The following CSNK1A1 variants were observed in gnomAD, a reference collection of about 807,000 sequenced individuals.
CSNK1A1 encodes casein kinase I isoform alpha.
CSNK1A1 carries 7 observed loss-of-function variants against 46.1 expected under a neutral mutation model. That is an observed-to-expected ratio of 0.15 (90% CI 0.09 to 0.29). The LOEUF (loss-of-function observed/expected upper bound fraction) is 0.29, where lower values mean the gene tolerates loss of function less well. Ranked by LOEUF, CSNK1A1 falls within the 10% of genes least tolerant of loss-of-function variation. The pLI is 1.00. For missense variants in CSNK1A1, 96 were observed against 417.1 expected (o/e 0.23, Z 6.71); for synonymous variants, 137 against 141.5 (o/e 0.97, Z 0.23).
At chr5:149,547,850 A>G (rs1193986483) in intron 2 of CSNK1A1, among the ~76,000 whole-genome samples, 1 of 151,264 alleles carries the variant, frequency 6.6e-6, no homozygotes, top group East Asian at 1.9e-4. Flanking sequence ...CAGCATTGGA[A>G]CTTTGTTTTT....
At chr5:149,532,707 GATT>G (rs2113149129) in intron 2 of CSNK1A1, among the ~76,000 whole-genome samples, 1 of 152,196 alleles carries the variant, frequency 6.6e-6, no homozygotes, top group Admixed American at 6.5e-5. Context: ...AAAAATCAGT[GATT>G]TCTATTGGTG....
intron 4 of CSNK1A1, among the ~76,000 whole-genome samples, chr5:149,519,457 C>T (rs1362218653): frequency 6.6e-6 from 1 of 152,090 alleles, no homozygotes; most frequent in Non-Finnish European, 1.5e-5. Flanking sequence ...TAGTGCATTG[C>T]CAATGCTGCC....
In CSNK1A1 at chr5:149,501,413, A is replaced by G. The variant is rs372923225; in HGVS notation, c.1006+4034T>C. On this transcript the variant is annotated intron_variant, in intron 9 of 9. Transcript: ENST00000377843. The stretch of plus-strand genomic sequence containing the variant: ...TGTGATGTGGGTGTGCTGCTGAGTG[A>G]CCAGCACATTCCTAGCAGCAATTGG... 9.1e-6 allele frequency: 9 copies of G among 985,490 alleles called. No individual in the cohort carries two copies. The South Asian group carries it at 4.2e-4, about 46-fold the overall frequency. 61.0% of individuals were successfully genotyped at this position (985,490 alleles called of 1,614,324 possible).
chr5:149,534,482 CAAAAAAAAAAA>C (rs10597922), intron 2 of CSNK1A1, among the ~76,000 whole-genome samples: 13 of 94,982 alleles, frequency 1.4e-4, no homozygotes, highest in South Asian at 3.6e-4. Flanking sequence ...GACTCTGTCT[CAAAAAAAAAAA>C]AAAAAAAAAA....
intron 2 of CSNK1A1, chr5:149,529,524 G>T: frequency 3.3e-6 from 1 of 299,576 alleles, no homozygotes; most frequent in Admixed American, 4.5e-5. Flanking sequence ...GTCTAAAGAG[G>T]TATTAGGAAA....
intron 2 of CSNK1A1, among the ~76,000 whole-genome samples, chr5:149,532,642 T>TCACG (rs1175777082): frequency 4.6e-5 from 7 of 152,158 alleles, no homozygotes; most frequent in Non-Finnish European, 1.5e-5. Context: ...TGAGCCAAGA[T>TCACG]CACGCCATTG....
intron 2 of CSNK1A1, chr5:149,545,457 C>A (rs1019597127): frequency 2.6e-5 from 14 of 529,624 alleles, no homozygotes; most frequent in South Asian, 2.2e-4. Context: ...GGAGCTGCAG[C>A]CTGGGCCTTG....
chr5:149,551,017 G>C lies in CSNK1A1; in HGVS notation c.-53C>G, dbSNP rs563773292. On this transcript the variant is annotated 5_prime_UTR_variant, in exon 1 of 10. Coordinates refer to ENST00000377843, the MANE Select transcript of CSNK1A1 (RefSeq NM_001892.6). ...CCAAGCCCCGACACCTCTGGGAAGA[G>C]GACGGAGGCCTCGGGGCTCCTACAC... 2 of 1,608,640 alleles carry C rather than the reference G, an allele frequency of 1.2e-6. No homozygotes were observed. Among genetic ancestry groups the C allele is most frequent in the African/African-American group, 2.7e-5 (2 of 74,918 alleles).
chr5:149,521,270 C>CTTTTTTTT (rs909460651), intron 3 of CSNK1A1, among the ~76,000 whole-genome samples: 1 of 123,950 alleles, frequency 8.1e-6, no homozygotes, highest in Non-Finnish European at 1.7e-5. Context: ...ATTTACTCTT[C>CTTTTTTTT]TTTTTTTTTT....
rs780385622 is a variant in CSNK1A1, at chr5:149,507,083, G to T, written c.801C>A (p.Arg267=). 6.2e-7 allele frequency: 1 copy of T among 1,613,984 alleles called. No homozygotes were observed. Among genetic ancestry groups the T allele is most frequent in the Admixed American group, 1.7e-5 (1 of 60,010 alleles). ...ACATGTAATCTGGGGCTTCCTCAAA[G>T]CGTAGCCCACGACAATAGTTTAAGT... ...AMYLNYCRGL[R]FEEAPDYMYL... Residue 267 remains arginine, a synonymous_variant, in exon 8 of 10, where the codon CGC becomes CGA. Transcript: ENST00000377843.
At chr5:149,499,583 G>A (rs1002290087) in intron 9 of CSNK1A1, among the ~76,000 whole-genome samples, 1 of 151,680 alleles carries the variant, frequency 6.6e-6, no homozygotes, top group Non-Finnish European at 1.5e-5. Context: ...GCAACATAGT[G>A]AGACTTTGTC....
rs1160379269 is a variant in CSNK1A1 at position 149,542,592 on chromosome 5, TTATATATATATATATATATA to T, written c.230+7463_230+7482del. 5.4e-3 allele frequency among the ~76,000 whole-genome samples: 143 copies of T among 26,696 alleles called. 6 individuals are homozygous for T. Among genetic ancestry groups the T allele is most frequent in the Admixed American group, 7.0e-3 (8 of 1,138 alleles). 17.5% of individuals were successfully genotyped at this position (26,696 alleles called of 152,430 possible). A position where few individuals can be genotyped will look rare whatever the true frequency, so the allele number is the denominator to read the frequency against. ...ATTTACTCCGAAATGAGATACAAAT[TTATATATATATATATATATA>T]TATATATATATATATATATATATAT... On this transcript the variant is annotated intron_variant, in intron 2 of 9. Transcript: ENST00000377843.
At chr5:149,543,339 C>G (rs931967497) in intron 2 of CSNK1A1, among the ~76,000 whole-genome samples, 1 of 152,166 alleles carries the variant, frequency 6.6e-6, no homozygotes, top group Non-Finnish European at 1.5e-5. Context: ...CTATATACAT[C>G]TCTAACATTT....
intron 2 of CSNK1A1, among the ~76,000 whole-genome samples, chr5:149,534,791 CG>C (rs1463662825): frequency 6.6e-6 from 1 of 150,622 alleles, no homozygotes; most frequent in Non-Finnish European, 1.5e-5. Flanking sequence ...ATTAGCCAGG[CG>C]TGGTGGCATG....
chr5:149,524,099 TAA>T (rs1166361136), intron 3 of CSNK1A1, among the ~76,000 whole-genome samples: 3 of 152,210 alleles, frequency 2.0e-5, no homozygotes, highest in African/African-American at 7.2e-5. Flanking sequence ...AGGTAAGTGA[TAA>T]AGTAAATAAA....
chr5:149,507,171 C>T (rs1334277722), intron 7 of CSNK1A1, 38 bp from the exon 8 acceptor site: 3 of 1,451,724 alleles, frequency 2.1e-6, no homozygotes, highest in Admixed American at 4.0e-5. Flanking sequence ...TAAAAACAAA[C>T]ATTTCAAGAT....
At chr5:149,539,570 TATTA>T (rs1762168791) in intron 2 of CSNK1A1, among the ~76,000 whole-genome samples, 1 of 152,082 alleles carries the variant, frequency 6.6e-6, no homozygotes, top group Non-Finnish European at 1.5e-5. Context: ...AAATTATTGT[TATTA>T]ATTATTAATA....
At chr5:149,508,632 T>C (rs957950873) in intron 7 of CSNK1A1, among the ~76,000 whole-genome samples, 1 of 152,258 alleles carries the variant, frequency 6.6e-6, no homozygotes, top group Admixed American at 6.5e-5. Flanking sequence ...AACTGTCTTC[T>C]GTATTCCTGT....
At position 149,520,302 on chromosome 5, in the gene CSNK1A1, A is replaced by T. The variant is rs1458412029; in HGVS notation, c.444T>A (p.Arg148=). The T allele has an allele frequency of 6.2e-7, 1 of 1,600,994 alleles. No homozygotes were observed. Residue 148 remains arginine (R), a synonymous_variant, in exon 4 of 10, where the codon CGT becomes CGA. Coordinates refer to ENST00000377843, the MANE Select transcript of CSNK1A1 (RefSeq NM_001892.6). The part of the protein sequence containing the change: ...KPDNFLMGIG[R]HCNKLFLIDF... ...GCATTTGACTAACCTTATTACAGTG[A>T]CGCCCAATACCCATTAGGAAGTTAT... is the stretch of plus-strand genomic sequence containing the variant.
Sources: allele counts gnomAD v4.1 joint callset (sites outside exome capture counted in the v4.1 genomes callset), GRCh38; gene constraint gnomAD v4.1.1; transcripts MANE v1.5; gene names NCBI Gene and HGNC (gene_info 2026-07-23, HGNC 2026-07-21).